SETD2: variants seen among roughly 807,000 people sequenced by gnomAD.
SETD2 encodes the protein SET domain containing 2, histone lysine methyltransferase.
A neutral mutation model predicts 242.1 loss-of-function variants in SETD2; 31 were observed. That is an observed-to-expected ratio of 0.13 (90% CI 0.10 to 0.17). SETD2 has a LOEUF of 0.17. SETD2 is among the 10% of genes least tolerant of loss of function. The pLI is 1.00. For missense variants in SETD2, 2,481 were observed against 3,046.3 expected (o/e 0.81, Z 4.37); for synonymous variants, 1,006 against 1,066.5 (o/e 0.94, Z 1.11).
rs2106652264 is a variant in SETD2 at position 47,121,499 on chromosome 3, T to C, written c.3137A>G (p.Asn1046Ser). 1 of 1,614,072 alleles carries C rather than the reference T, an allele frequency of 6.2e-7. No individual in the cohort carries two copies. Among genetic ancestry groups the C allele is most frequent in the Non-Finnish European group, 8.5e-7 (1 of 1,180,010 alleles). ...TGTATCTTCTGAATCACTTTCATCA[T>C]TTGAACTTTCAGAAGAGCCAGAATA... ...EDYSGSSESS[N>S]DESDSEDTDS... The change falls in exon 3 of 21, where the codon AAT (asparagine) becomes AGT (serine). Residue 1046 changes from asparagine (N) to serine (S), a missense_variant. Asn to Ser is a conservative substitution (Grantham distance 46). Around this residue, in one of 17 missense-constraint regions of SETD2, gnomAD observed 1,300 missense variants for 1,259.2 expected, o/e 1.03. Transcript: ENST00000409792.
rs2042209862 is a variant in SETD2, at chr3:47,101,512, T to C, written c.4961A>G (p.Lys1654Arg). 1 of 1,613,778 alleles carries C rather than the reference T, an allele frequency of 6.2e-7. No individual in the cohort carries two copies. Among genetic ancestry groups the C allele is most frequent in the Non-Finnish European group, 8.5e-7 (1 of 1,179,868 alleles). The stretch of plus-strand genomic sequence containing the variant: ...TAACTCTGAGCCTGAAGGAACCAGT[T>C]TGGTGGTAAAAAACCCAACCCTCAG... ...GQLRVGFFTT[K>R]LVPSGSELTF... The change falls in exon 8 of 21, where the codon AAA becomes AGA. Residue 1654 changes from lysine to arginine, a missense_variant. By Grantham distance (26) the Lys-to-Arg change is conservative. This residue lies in a region of SETD2 where 61 missense variants were observed against 221.4 expected (regional missense o/e 0.28). Transcript: ENST00000409792.
intron 14 of SETD2, among the ~76,000 whole-genome samples, chr3:47,060,082 C>T (rs191475805): frequency 1.0e-3 from 154 of 152,218 alleles, no homozygotes; most frequent in African/African-American, 2.8e-3. Context: ...GGAGAAACTC[C>T]GTCTCTACAA....
At chr3:47,142,949 C>T (rs1194968178) in intron 1 of SETD2, among the ~76,000 whole-genome samples, 2 of 151,992 alleles carry the variant, frequency 1.3e-5, no homozygotes, top group Non-Finnish European at 2.9e-5. Flanking sequence ...GGATTACAGG[C>T]GTGAGCCACT....
At chr3:47,082,826 G>C (rs2041373561) in intron 12 of SETD2, among the ~76,000 whole-genome samples, 1 of 152,204 alleles carries the variant, frequency 6.6e-6, no homozygotes, top group South Asian at 2.1e-4. Flanking sequence ...GGATCTAATG[G>C]AGTGAGCTTT....
chr3:47,072,401 T>C (rs1216501629), intron 12 of SETD2, among the ~76,000 whole-genome samples: 2 of 152,152 alleles, frequency 1.3e-5, no homozygotes, highest in Non-Finnish European at 2.9e-5. Flanking sequence ...GATTTATTTT[T>C]GAAAACTAAG....
intron 15 of SETD2, among the ~76,000 whole-genome samples, chr3:47,056,098 ATT>A (rs1236979636): frequency 3.1e-5 from 1 of 32,560 alleles, no homozygotes; most frequent in Non-Finnish European, 6.0e-5. Context: ...CATGATTTTT[ATT>A]TATTTATTTA....
At position 47,142,895 on chromosome 3, in the gene SETD2, C is replaced by A. The variant is rs971021706; in HGVS notation, c.72-16232G>T. ...TGTTGGCCAGGCTGGTCTTGAACTC[C>A]TGACCTCAGGTGATCTGCCCCACCT... On this transcript the variant is annotated intron_variant, in intron 1 of 20. Coordinates refer to ENST00000409792, the MANE Select transcript of SETD2 (RefSeq NM_014159.7). Among the ~76,000 whole-genome samples, 4 of 152,248 alleles carry A rather than the reference C, an allele frequency of 2.6e-5. No homozygotes were observed. The East Asian group carries it at 7.7e-4, about 29-fold the overall frequency.
intron 12 of SETD2, among the ~76,000 whole-genome samples, chr3:47,072,815 C>T (rs1172836870): frequency 6.6e-6 from 1 of 151,586 alleles, no homozygotes; most frequent in Non-Finnish European, 1.5e-5. Flanking sequence ...TGCGTGGTGG[C>T]GGGCATCTGT....
chr3:47,135,890 A>G (rs1376002212), intron 1 of SETD2, among the ~76,000 whole-genome samples: 1 of 152,068 alleles, frequency 6.6e-6, no homozygotes, highest in Non-Finnish European at 1.5e-5. Flanking sequence ...TTAGCCAAAC[A>G]GCTTTTAGTA....
intron 8 of SETD2, among the ~76,000 whole-genome samples, chr3:47,099,476 ATGT>A (rs1478766855): frequency 6.6e-6 from 1 of 152,212 alleles, no homozygotes; most frequent in Non-Finnish European, 1.5e-5. Flanking sequence ...TTCACGGGTA[ATGT>A]TGTGTTCTTT....
intron 15 of SETD2, among the ~76,000 whole-genome samples, chr3:47,051,240 G>T (rs561391353): frequency 3.3e-5 from 5 of 152,058 alleles, no homozygotes; most frequent in African/African-American, 1.2e-4. Flanking sequence ...GAGTAGCTGG[G>T]ACTACAGGAG....
intron 18 of SETD2, among the ~76,000 whole-genome samples, chr3:47,034,279 G>A (rs906570969): frequency 2.6e-5 from 4 of 152,038 alleles, no homozygotes; most frequent in African/African-American, 9.7e-5. Flanking sequence ...ATAACCCCCC[G>A]AGGCAGTTAA....
intron 1 of SETD2, among the ~76,000 whole-genome samples, chr3:47,130,738 A>G (rs1008131422): frequency 3.4e-4 from 52 of 152,190 alleles, no homozygotes; most frequent in African/African-American, 1.1e-3. Context: ...AGATCATGCT[A>G]GAATAGCCTA....
At position 47,037,731 on chromosome 3, in the gene SETD2, C is replaced by T. The variant is rs2039078466; in HGVS notation, c.7285G>A (p.Ala2429Thr). 1.2e-6 allele frequency: 2 copies of T among 1,613,742 alleles called. No homozygotes were observed. The highest frequency in any genetic ancestry group is 1.7e-5 in the Admixed American group (1 of 59,996). Residue 2429 changes from alanine (A) to threonine (T), a missense_variant, in exon 18 of 21, where the codon GCC (alanine) becomes ACC (threonine). Ala to Thr is a moderately conservative substitution (Grantham distance 58). This residue lies in a region of SETD2 where 235 missense variants were observed against 293.9 expected (regional missense o/e 0.80). Coordinates refer to ENST00000409792, the MANE Select transcript of SETD2 (RefSeq NM_014159.7). Reference protein sequence around the residue: ...PPTWESPGDDASLEHEAEMDL... With the variant: ...PPTWESPGDDTSLEHEAEMDL... ...ATCTCAGCTTCATGCTCAAGGCTGG[C>T]ATCATCTCCTGGGCTTTCCCAAGTA...
chr3:47,140,043 CTTTAT>C (rs1033377090), intron 1 of SETD2, among the ~76,000 whole-genome samples: 1 of 152,104 alleles, frequency 6.6e-6, no homozygotes, highest in African/African-American at 2.4e-5. Flanking sequence ...ATAGCTGAAA[CTTTAT>C]TTTAATGTGG....
chr3:47,111,932 C>T (rs2042667409), intron 5 of SETD2, among the ~76,000 whole-genome samples: 2 of 152,154 alleles, frequency 1.3e-5, no homozygotes. Context: ...CAACTCCCAT[C>T]CAACTGTGGC....
Position 47,163,879 on chromosome 3 carries a change from A to G in SETD2, c.46T>C (p.Tyr16His). 7.6e-7 allele frequency: 1 copy of G among 1,319,672 alleles called. No homozygotes were observed. Among genetic ancestry groups the G allele is most frequent in the Non-Finnish European group, 9.7e-7 (1 of 1,028,284 alleles). 81.7% of individuals were successfully genotyped at this position (1,319,672 alleles called of 1,614,324 possible). ...TCAGGGGTCGGGTGCTCCGGGTCGT[A>G]GAAATCCCCCATCTTCGGAGGCGGC... Reference protein sequence around the residue: ...PQPPPKMGDFYDPEHPTPEEE... With the variant: ...PQPPPKMGDFHDPEHPTPEEE... Residue 16 changes from tyrosine to histidine, a missense_variant, in exon 1 of 21, where the codon TAC becomes CAC. Physicochemically the swap from Tyr to His is moderately conservative, Grantham distance 83 (BLOSUM62 2). Coordinates refer to ENST00000409792, the MANE Select transcript of SETD2 (RefSeq NM_014159.7).
intron 3 of SETD2, among the ~76,000 whole-genome samples, chr3:47,119,161 T>C (rs988099429): frequency 2.2e-4 from 33 of 152,246 alleles, no homozygotes; most frequent in African/African-American, 7.7e-4. Context: ...AGGATACTTT[T>C]TGTTTTGGTT....
chr3:47,026,287 C>G (rs1008145554), intron 18 of SETD2, among the ~76,000 whole-genome samples: 5 of 152,112 alleles, frequency 3.3e-5, no homozygotes, highest in African/African-American at 1.2e-4. Flanking sequence ...ATGGCAATCA[C>G]TAAAAAGTTG....
Sources: gnomAD v4.1 joint callset for allele counts (sites outside exome capture counted in the v4.1 genomes callset) on GRCh38, gnomAD v4.1.1 for gene constraint, gnomAD v4.1.1 regional missense constraint, MANE v1.5 for transcripts, NCBI Gene and HGNC (gene_info 2026-07-23, HGNC 2026-07-21) for gene names.